Variants in CDKAL1 observed in about 807,000 individuals in gnomAD.
CDKAL1 encodes threonylcarbamoyladenosine tRNA methylthiotransferase.
A neutral mutation model predicts 68.2 loss-of-function variants in CDKAL1; 32 were observed. That is an observed-to-expected ratio of 0.47 (90% CI 0.35 to 0.63). The LOEUF is 0.63. Ranked by LOEUF, CDKAL1 falls within the 30% of genes least tolerant of loss-of-function variation. CDKAL1 has a pLI of 0.00. For missense variants in CDKAL1, 606 were observed against 696.7 expected, an observed-to-expected ratio of 0.87 and a Z score of 1.47; for synonymous variants, 234 against 244.3, an observed-to-expected ratio of 0.96 and a Z score of 0.39.
At chr6:21,030,791 A>G (rs1301997755) in intron 11 of CDKAL1, among the ~76,000 whole-genome samples, 1 of 152,176 alleles carries the variant, frequency 6.6e-6, no homozygotes, top group Non-Finnish European at 1.5e-5. Context: ...AAAGGGATAC[A>G]TTGAAAAGTC....
At chr6:21,064,957 A>G in intron 11 of CDKAL1, 91 bp from the exon 12 acceptor site, 1 of 749,522 alleles carries the variant, frequency 1.3e-6, no homozygotes. Context: ...ATAAATTTTA[A>G]TTACCATAAA....
In CDKAL1 at chr6:20,768,420, G is replaced by T. The variant is rs534495754; in HGVS notation, c.517+9777G>T. Among the ~76,000 whole-genome samples the T allele has an allele frequency of 7.9e-5, 12 of 152,292 alleles. 1 individual carries two copies. The South Asian group carries it at 1.9e-3, about 24-fold the overall frequency. ...TAGTGATCTCTAGCAGAAGTTAATA[G>T]AATGTGACTAGCCTTTATCTCGCAC... On this transcript the variant is annotated intron_variant, in intron 7 of 15. Coordinates refer to ENST00000274695, the MANE Select transcript of CDKAL1 (RefSeq NM_017774.3).
intron 5 of CDKAL1, among the ~76,000 whole-genome samples, chr6:20,710,226 A>T (rs1771785517): frequency 6.6e-6 from 1 of 152,180 alleles, no homozygotes; most frequent in Non-Finnish European, 1.5e-5. Context: ...TTTAGTAAAT[A>T]TTACATGCAA....
In CDKAL1 at chr6:20,733,612, C is replaced by G. The variant is rs527847181; in HGVS notation, c.372-5907C>G. Reference sequence around the variant, plus strand: ...TGTGCAAATGAAGGATTGAAACTTGCTTAGTTTTGATTGGCCAACACAGCT... The same window carrying G: ...TGTGCAAATGAAGGATTGAAACTTGGTTAGTTTTGATTGGCCAACACAGCT... On this transcript the variant is annotated intron_variant, in intron 5 of 15. Transcript: ENST00000274695. Among the ~76,000 whole-genome samples, 36 of 152,248 alleles carry G rather than the reference C, an allele frequency of 2.4e-4. 1 individual carries two copies. In the South Asian group the frequency reaches 7.5e-3, roughly 32 times the overall value.
At chr6:20,833,766 C>T (rs558925817) in intron 8 of CDKAL1, among the ~76,000 whole-genome samples, 3 of 152,146 alleles carry the variant, frequency 2.0e-5, no homozygotes, top group Non-Finnish European at 4.4e-5. Context: ...CTGAGAATCT[C>T]TCTCCTTTCC....
intron 4 of CDKAL1, among the ~76,000 whole-genome samples, chr6:20,560,461 G>A (rs1489211952): frequency 6.6e-6 from 1 of 152,036 alleles, no homozygotes; most frequent in Non-Finnish European, 1.5e-5. Context: ...CTAGAATCTG[G>A]TTGTTGTCCT....
chr6:20,740,201 T>A (rs1773387345), intron 6 of CDKAL1, among the ~76,000 whole-genome samples: 1 of 152,222 alleles, frequency 6.6e-6, no homozygotes, highest in South Asian at 2.1e-4. Context: ...AATCTTTTTT[T>A]AAAACTCTCA....
intron 8 of CDKAL1, among the ~76,000 whole-genome samples, chr6:20,818,951 G>T (rs1777162332): frequency 6.6e-6 from 1 of 151,982 alleles, no homozygotes; most frequent in Non-Finnish European, 1.5e-5. Context: ...TGTTATAGGA[G>T]TGTATTTCTT....
chr6:20,804,050 A>T (rs902948791), intron 8 of CDKAL1, among the ~76,000 whole-genome samples: 31 of 152,158 alleles, frequency 2.0e-4, no homozygotes, highest in African/African-American at 6.8e-4. Context: ...TATATATTTA[A>T]TTATTTTCTC....
chr6:20,643,199 A>T (rs1333856394), intron 4 of CDKAL1, among the ~76,000 whole-genome samples: 1 of 151,668 alleles, frequency 6.6e-6, no homozygotes, highest in East Asian at 1.9e-4. Context: ...TCCCTGGTCC[A>T]CTCTTGTCCA....
intron 5 of CDKAL1, among the ~76,000 whole-genome samples, chr6:20,651,416 G>A (rs1031899173): frequency 2.0e-5 from 3 of 152,140 alleles, no homozygotes; most frequent in African/African-American, 7.2e-5. Flanking sequence ...TATCCTGAGA[G>A]TTTACTGAAG....
intron 9 of CDKAL1, among the ~76,000 whole-genome samples, chr6:20,924,274 G>A (rs1269994186): frequency 6.6e-6 from 1 of 150,654 alleles, no homozygotes; most frequent in Non-Finnish European, 1.5e-5. Context: ...GCTGAAGTGG[G>A]AGGATTGCTT....
intron 10 of CDKAL1, among the ~76,000 whole-genome samples, chr6:20,998,974 T>C (rs778869848): frequency 5.3e-5 from 8 of 151,400 alleles, no homozygotes; most frequent in Non-Finnish European, 8.8e-5. Context: ...CAGGGCATGG[T>C]TGATCCGTAT....
chr6:20,638,008 T>G (rs1767982549), intron 4 of CDKAL1, among the ~76,000 whole-genome samples: 1 of 152,228 alleles, frequency 6.6e-6, no homozygotes, highest in Admixed American at 6.5e-5. Context: ...TAACCAGTCA[T>G]TTTTTACGAT....
chr6:21,153,235 CTTTT>C (rs1162272560), intron 13 of CDKAL1, among the ~76,000 whole-genome samples: 6 of 96,222 alleles, frequency 6.2e-5, no homozygotes, highest in African/African-American at 1.5e-4. Context: ...TATGTGATTT[CTTTT>C]TTTTTTTTTT....
At chr6:20,673,863 G>A (rs550333701) in intron 5 of CDKAL1, among the ~76,000 whole-genome samples, 1 of 152,262 alleles carries the variant, frequency 6.6e-6, no homozygotes, top group East Asian at 1.9e-4. Context: ...TCTTTCTTTT[G>A]TAAATTGCCC....
intron 10 of CDKAL1, among the ~76,000 whole-genome samples, chr6:20,973,638 T>A (rs1765699306): frequency 6.6e-6 from 1 of 152,160 alleles, no homozygotes; most frequent in Admixed American, 6.5e-5. Flanking sequence ...AGGGCCTTGC[T>A]CTGTCACCCA....
At chr6:20,554,690 G>A (rs987071611) in intron 4 of CDKAL1, among the ~76,000 whole-genome samples, 4 of 152,128 alleles carry the variant, frequency 2.6e-5, no homozygotes, top group African/African-American at 7.2e-5. Flanking sequence ...TAAGGAATTC[G>A]TAACCACTCC....
At chr6:20,720,686 G>A (rs1772306833) in intron 5 of CDKAL1, among the ~76,000 whole-genome samples, 1 of 152,096 alleles carries the variant, frequency 6.6e-6, no homozygotes, top group South Asian at 2.1e-4. Context: ...TTTTAGTAGA[G>A]ACAGGGTTTC....
Sources: allele counts gnomAD v4.1 joint callset (sites outside exome capture counted in the v4.1 genomes callset), GRCh38; gene constraint gnomAD v4.1.1; transcripts MANE v1.5; gene names NCBI Gene and HGNC (gene_info 2026-07-23, HGNC 2026-07-21).